FAM81B: variants seen among roughly 807,000 people sequenced by gnomAD.
FAM81B encodes the protein family with sequence similarity 81 member B, also known as protein FAM81B.
In FAM81B, 60 loss-of-function variants were observed where a neutral mutation model predicts 58.7. The ratio of observed to expected loss-of-function variants is 1.02; its 90% CI spans 0.83 to 1.27. The LOEUF (loss-of-function observed/expected upper bound fraction) is 1.27, where lower values mean the gene tolerates loss of function less well. Ranked by LOEUF, FAM81B falls within the 50% of genes most tolerant of loss-of-function variation. The probability of loss-of-function intolerance (pLI) is 0.00; values close to 1 mark genes in which losing one functional copy is unlikely to be tolerated. For missense variants in FAM81B, 491 were observed against 522.0 expected (o/e 0.94, Z 0.58); for synonymous variants, 189 against 179.6 (o/e 1.05, Z -0.42).
chr5:95,402,269 T>C (rs540483341), intron 3 of FAM81B, among the ~76,000 whole-genome samples: 1 of 152,320 alleles, frequency 6.6e-6, no homozygotes, highest in Admixed American at 6.5e-5. Context: ...GAAAGGTCAA[T>C]TGGAAAACAA....
intron 3 of FAM81B, among the ~76,000 whole-genome samples, chr5:95,409,717 G>A (rs1762358504): frequency 6.6e-6 from 1 of 152,094 alleles, no homozygotes; most frequent in Admixed American, 6.6e-5. Context: ...ACTGATCCTT[G>A]TGAGCAACCA....
chr5:95,434,735 ATTCT>A (rs1312659026), intron 6 of FAM81B, among the ~76,000 whole-genome samples: 2 of 152,134 alleles, frequency 1.3e-5, no homozygotes, highest in African/African-American at 4.8e-5. Flanking sequence ...ACATTGCCTT[ATTCT>A]TTCTTGTATA....
intron 9 of FAM81B, among the ~76,000 whole-genome samples, chr5:95,449,459 G>A (rs1745709230): frequency 6.6e-6 from 1 of 152,170 alleles, no homozygotes; most frequent in South Asian, 2.1e-4. Context: ...ACTTCAGGGT[G>A]AACTGAAAAG....
At chr5:95,399,222 A>C (rs1477911322) in intron 3 of FAM81B, among the ~76,000 whole-genome samples, 1 of 152,240 alleles carries the variant, frequency 6.6e-6, no homozygotes, top group Non-Finnish European at 1.5e-5. Flanking sequence ...ACTTCCCCTC[A>C]TGAGTAGAAT....
At chr5:95,440,141 T>C in intron 7 of FAM81B, 1 of 572,622 alleles carries the variant, frequency 1.7e-6, no homozygotes, top group South Asian at 1.6e-5. Context: ...CTGGCACAAG[T>C]TCTTTGAAAA....
chr5:95,413,894 C>T, intron 3 of FAM81B, 53 bp from the exon 4 acceptor site: 1 of 1,550,954 alleles, frequency 6.4e-7, no homozygotes. Context: ...TTCCTGGCTC[C>T]TCCAGCTCAT....
intron 6 of FAM81B, among the ~76,000 whole-genome samples, chr5:95,429,370 A>T (rs978093394): frequency 1.2e-4 from 19 of 152,206 alleles, no homozygotes; most frequent in African/African-American, 4.6e-4. Flanking sequence ...GTGGAGCCCA[A>T]TGCAAAGTTT....
At chr5:95,414,277 T>G in intron 4 of FAM81B, 87 bp downstream of exon 4, 3 of 1,388,124 alleles carry the variant, frequency 2.2e-6, no homozygotes, top group Non-Finnish European at 3.0e-6. Context: ...GTGTCATTTT[T>G]CAAGTGCAGA....
At chr5:95,412,543 G>T (rs1479994331) in intron 3 of FAM81B, among the ~76,000 whole-genome samples, 6 of 152,122 alleles carry the variant, frequency 3.9e-5, no homozygotes, top group Admixed American at 2.6e-4. Flanking sequence ...AAACCATATG[G>T]GGTGGCCAAT....
chr5:95,392,009 C>G (rs1465594489), intron 1 of FAM81B, among the ~76,000 whole-genome samples: 2 of 152,098 alleles, frequency 1.3e-5, no homozygotes, highest in Non-Finnish European at 2.9e-5. Flanking sequence ...TGGGTATATA[C>G]CCAAAGGACT....
At chr5:95,416,786 C>T (rs972880890) in intron 4 of FAM81B, among the ~76,000 whole-genome samples, 3 of 152,056 alleles carry the variant, frequency 2.0e-5, no homozygotes, top group African/African-American at 4.8e-5. Context: ...GTCCTAATGT[C>T]GAAATATCAC....
At chr5:95,401,588 G>GT (rs150213217) in intron 3 of FAM81B, among the ~76,000 whole-genome samples, 26 of 147,740 alleles carry the variant, frequency 1.8e-4, no homozygotes, top group Non-Finnish European at 2.1e-4. Flanking sequence ...TTCACTTCAG[G>GT]TTTTTTTTTT....
intron 9 of FAM81B, among the ~76,000 whole-genome samples, 165 bp from the exon 10 acceptor site, chr5:95,449,984 C>T (rs1745736304): frequency 1.3e-5 from 2 of 152,160 alleles, no homozygotes; most frequent in Admixed American, 1.3e-4. Flanking sequence ...ATCTTCATGA[C>T]ATACAAGAAA....
chr5:95,408,077 AGAG>A (rs1762310086), intron 3 of FAM81B, among the ~76,000 whole-genome samples: 2 of 28,456 alleles, frequency 7.0e-5, no homozygotes, highest in Admixed American at 4.1e-4. Flanking sequence ...CCCCAAAATG[AGAG>A]AGAGAGAGAG....
intron 7 of FAM81B, among the ~76,000 whole-genome samples, chr5:95,445,888 T>G (rs1199782610): frequency 6.6e-6 from 1 of 152,114 alleles, no homozygotes; most frequent in African/African-American, 2.4e-5. Context: ...CCTGCTCCTC[T>G]CCCAGCCACA....
rs553691117 is a variant in FAM81B at position 95,403,574 on chromosome 5, CAG to C, written c.293+7402_293+7403del. ...ATTAGCTCATATAACAAAAAAAATC[CAG>C]AGTTTGGTAAATTTAGTAGCTTCAG... On this transcript the variant is annotated intron_variant, in intron 3 of 9. Transcript: ENST00000283357. Among the ~76,000 whole-genome samples the C allele has an allele frequency of 1.3e-4, 20 of 152,114 alleles. No individual in the cohort carries two copies. In the East Asian group the frequency reaches 3.7e-3, roughly 28 times the overall value.
chr5:95,391,822 A>G (rs1190824610), intron 1 of FAM81B, among the ~76,000 whole-genome samples: 1 of 152,230 alleles, frequency 6.6e-6, no homozygotes, highest in Non-Finnish European at 1.5e-5. Flanking sequence ...CATGCCAGTT[A>G]GAATAGTAAC....
intron 7 of FAM81B, among the ~76,000 whole-genome samples, chr5:95,439,262 A>ATATATG (rs1554046256): frequency 1.4e-5 from 2 of 144,380 alleles, no homozygotes; most frequent in Admixed American, 6.9e-5. Context: ...ATATATATAT[A>ATATATG]TATGTATATT....
At chr5:95,407,408 ACG>A (rs1554043354) in intron 3 of FAM81B, among the ~76,000 whole-genome samples, 24 of 147,378 alleles carry the variant, frequency 1.6e-4, no homozygotes, top group African/African-American at 2.8e-4. Flanking sequence ...ACACACACAC[ACG>A]CACACACACA....
Sources: gnomAD v4.1 joint callset for allele counts (sites outside exome capture counted in the v4.1 genomes callset) on GRCh38, gnomAD v4.1.1 for gene constraint, MANE v1.5 for transcripts, NCBI Gene and HGNC (gene_info 2026-07-23, HGNC 2026-07-21) for gene names.